Variants in KIAA1217 observed in about 807,000 individuals in gnomAD.
KIAA1217 encodes the protein KIAA1217, also known as sickle tail protein homolog.
Under a neutral mutation model 163.9 loss-of-function variants are expected in KIAA1217, and 88 were observed. That is an observed-to-expected ratio of 0.54 (90% CI 0.45 to 0.64). The LOEUF is 0.64. KIAA1217 is among the 30% of genes least tolerant of loss of function. The probability of loss-of-function intolerance (pLI) is 0.00; values close to 1 mark genes in which losing one functional copy is unlikely to be tolerated. For missense variants in KIAA1217, 2,372 were observed against 2,475.0 expected (o/e 0.96, Z 0.88); for synonymous variants, 903 against 923.1 (o/e 0.98, Z 0.39).
chr10:24,337,175 T>C (rs1564495217), intron 2 of KIAA1217, among the ~76,000 whole-genome samples: 1 of 152,236 alleles, frequency 6.6e-6, no homozygotes, highest in African/African-American at 2.4e-5. Context: ...ATAAGGGATT[T>C]ACATTCAGAA....
At chr10:23,972,640 C>G (rs1845363764) in intron 1 of KIAA1217, among the ~76,000 whole-genome samples, 1 of 147,484 alleles carries the variant, frequency 6.8e-6, no homozygotes, top group South Asian at 2.2e-4. Context: ...TTGAACCAAC[C>G]CAAAGACACA....
At chr10:23,922,525 G>T (rs1842886526) in intron 1 of KIAA1217, among the ~76,000 whole-genome samples, 1 of 152,096 alleles carries the variant, frequency 6.6e-6, no homozygotes, top group Non-Finnish European at 1.5e-5. Flanking sequence ...GAACAGTCTT[G>T]GGGGACTGAA....
intron 2 of KIAA1217, among the ~76,000 whole-genome samples, chr10:24,298,889 T>C (rs983925974): frequency 2.0e-5 from 3 of 152,168 alleles, no homozygotes; most frequent in Non-Finnish European, 2.9e-5. Context: ...AGGGAATTCA[T>C]GTATGGGGCA....
chr10:24,035,539 C>G (rs779217660), intron 2 of KIAA1217, among the ~76,000 whole-genome samples: 1 of 152,192 alleles, frequency 6.6e-6, no homozygotes, highest in Non-Finnish European at 1.5e-5. Flanking sequence ...AGAGACTAAT[C>G]TCTCCAGCTT....
chr10:24,360,391 T>C (rs2049807295), intron 2 of KIAA1217, among the ~76,000 whole-genome samples: 1 of 152,182 alleles, frequency 6.6e-6, no homozygotes, highest in African/African-American at 2.4e-5. Context: ...TTATATTCTT[T>C]AGTTTTGTGT....
intron 4 of KIAA1217, among the ~76,000 whole-genome samples, chr10:24,434,307 A>G (rs1342781757): frequency 1.3e-5 from 2 of 151,822 alleles, no homozygotes; most frequent in Admixed American, 6.6e-5. Context: ...CCAAAGTGCT[A>G]GGATTACAGG....
At chr10:24,122,499 G>A (rs576585560) in intron 2 of KIAA1217, among the ~76,000 whole-genome samples, 1 of 152,252 alleles carries the variant, frequency 6.6e-6, no homozygotes, top group African/African-American at 2.4e-5. Context: ...GATTATATTG[G>A]AGAACAAATG....
chr10:24,039,199 C>T (rs1162664160), intron 2 of KIAA1217, among the ~76,000 whole-genome samples: 1 of 152,078 alleles, frequency 6.6e-6, no homozygotes, highest in Non-Finnish European at 1.5e-5. Flanking sequence ...CCACCCTGGC[C>T]TAAAGACAGC....
At chr10:24,430,820 G>C (rs2059547269) in intron 3 of KIAA1217, among the ~76,000 whole-genome samples, 1 of 152,228 alleles carries the variant, frequency 6.6e-6, no homozygotes, top group Non-Finnish European at 1.5e-5. Flanking sequence ...TGTAAATACA[G>C]ATGAAGATTC....
rs1415168509 is a variant in KIAA1217 at position 23,830,706 on chromosome 10, G to GTAGGTAGA, written c.-321+135475_-321+135476insGTAGATAG. 5.5e-3 allele frequency among the ~76,000 whole-genome samples: 703 copies of GTAGGTAGA among 126,954 alleles called. 4 individuals carry two copies. The highest frequency in any genetic ancestry group is 0.022 in the Middle Eastern group (5 of 232). 83.3% of individuals were successfully genotyped at this position (126,954 alleles called of 152,430 possible). Reference sequence around the variant, plus strand: ...GGTAGGTAGGTAGGTAGGTAGGTAGGTAGATAGATAGGTAGATAGATAGCT... The same window carrying GTAGGTAGA: ...GGTAGGTAGGTAGGTAGGTAGGTAGGTAGGTAGATAGATAGATAGGTAGATAGATAGCT... On this transcript the variant is annotated intron_variant, in intron 1 of 18. Coordinates refer to the KIAA1217 transcript ENST00000376462.
At chr10:23,878,232 A>C (rs1840786611) in intron 1 of KIAA1217, among the ~76,000 whole-genome samples, 1 of 151,866 alleles carries the variant, frequency 6.6e-6, no homozygotes, top group Non-Finnish European at 1.5e-5. Context: ...TTCTTTATGG[A>C]GGCATACTTC....
chr10:23,943,702 A>G (rs2131339952), intron 1 of KIAA1217, among the ~76,000 whole-genome samples: 1 of 152,360 alleles, frequency 6.6e-6, no homozygotes, highest in East Asian at 1.9e-4. Context: ...TGGAAAATCC[A>G]TACTACCTGA....
intron 2 of KIAA1217, among the ~76,000 whole-genome samples, chr10:24,075,606 CTTT>C (rs1275191864): frequency 4.3e-5 from 6 of 138,020 alleles, no homozygotes; most frequent in Non-Finnish European, 3.2e-5. Flanking sequence ...AGCATTTTAT[CTTT>C]TTTTTTTTTT....
intron 1 of KIAA1217, among the ~76,000 whole-genome samples, chr10:24,001,083 C>T (rs183700993): frequency 5.9e-4 from 89 of 152,128 alleles, no homozygotes; most frequent in African/African-American, 2.0e-3. Context: ...CACACACACA[C>T]ACACACACAC....
At chr10:23,847,993 G>A (rs1049158232) in intron 1 of KIAA1217, among the ~76,000 whole-genome samples, 2 of 152,126 alleles carry the variant, frequency 1.3e-5, no homozygotes, top group African/African-American at 2.4e-5. Context: ...TCATTCAGGG[G>A]CAGGTTGTTC....
At chr10:23,734,294 T>A (rs1234083557) in intron 1 of KIAA1217, among the ~76,000 whole-genome samples, 1 of 151,936 alleles carries the variant, frequency 6.6e-6, no homozygotes, top group East Asian at 1.9e-4. Flanking sequence ...CCTTTTTTTT[T>A]TTTTTTAAAT....
At chr10:23,899,960 C>T (rs900500793) in intron 1 of KIAA1217, among the ~76,000 whole-genome samples, 2 of 151,232 alleles carry the variant, frequency 1.3e-5, no homozygotes, top group Non-Finnish European at 3.0e-5. Context: ...CTCTTTCTCT[C>T]TCCCTCTGTC....
At chr10:23,934,242 A>G (rs1027527191) in intron 1 of KIAA1217, among the ~76,000 whole-genome samples, 3 of 152,184 alleles carry the variant, frequency 2.0e-5, no homozygotes, top group Middle Eastern at 3.4e-3. Context: ...TTGCAGGGAC[A>G]TGGATGAAGC....
At chr10:24,043,988 A>G (rs1367863604) in intron 2 of KIAA1217, among the ~76,000 whole-genome samples, 1 of 152,156 alleles carries the variant, frequency 6.6e-6, no homozygotes, top group Non-Finnish European at 1.5e-5. Context: ...TTGTAAATAA[A>G]TAAATAAACT....
Sources: allele counts gnomAD v4.1 joint callset (sites outside exome capture counted in the v4.1 genomes callset), GRCh38; gene constraint gnomAD v4.1.1; transcripts MANE v1.5; gene names NCBI Gene and HGNC (gene_info 2026-07-23, HGNC 2026-07-21).